PTK2: variants seen among roughly 807,000 people sequenced by gnomAD.
PTK2 encodes protein tyrosine kinase 2, also known as focal adhesion kinase 1.
A neutral mutation model predicts 150.1 loss-of-function variants in PTK2; 45 were observed. The observed-to-expected ratio is 0.30, with a 90% CI of 0.24 to 0.38. PTK2 has a LOEUF of 0.38. PTK2 is among the 10% of genes least tolerant of loss of function. The probability of loss-of-function intolerance (pLI) is 1.00; values close to 1 mark genes in which losing one functional copy is unlikely to be tolerated. For missense variants in PTK2, 919 were observed against 1,307.3 expected, an observed-to-expected ratio of 0.70 and a Z score of 4.58; for synonymous variants, 432 against 449.2, an observed-to-expected ratio of 0.96 and a Z score of 0.48.
chr8:140,833,274 T>C (rs1338334094), intron 7 of PTK2, among the ~76,000 whole-genome samples: 2 of 152,158 alleles, frequency 1.3e-5, no homozygotes. Flanking sequence ...CGTTTGTCCA[T>C]ATGTTAGAAC....
intron 4 of PTK2, among the ~76,000 whole-genome samples, chr8:140,876,982 C>T (rs1386995113): frequency 6.9e-6 from 1 of 144,942 alleles, no homozygotes; most frequent in Non-Finnish European, 1.5e-5. Context: ...ACATTTTCTT[C>T]TGTCATCATC....
intron 1 of PTK2, among the ~76,000 whole-genome samples, chr8:140,970,713 C>G (rs146882919): frequency 1.3e-5 from 2 of 152,344 alleles, no homozygotes; most frequent in African/African-American, 4.8e-5. Context: ...TGCCTATCCT[C>G]AACATTGCAG....
At chr8:140,712,837 G>A (rs754773169) in intron 23 of PTK2, among the ~76,000 whole-genome samples, 4 of 152,280 alleles carry the variant, frequency 2.6e-5, no homozygotes, top group South Asian at 2.1e-4. Flanking sequence ...TTGAAAACTC[G>A]AATTTTATAC....
intron 17 of PTK2, among the ~76,000 whole-genome samples, chr8:140,748,692 C>T (rs1045701204): frequency 2.0e-5 from 3 of 152,044 alleles, no homozygotes; most frequent in African/African-American, 7.2e-5. Context: ...ACCAAGAGGG[C>T]ACTGCATATA....
At chr8:140,814,805 C>T (rs1164165181) in intron 10 of PTK2, among the ~76,000 whole-genome samples, 7 of 149,424 alleles carry the variant, frequency 4.7e-5, no homozygotes, top group East Asian at 2.0e-4. Context: ...GACGGAGTCT[C>T]GCTCTGTTGC....
At chr8:140,890,432 A>G (rs1600905498) in intron 3 of PTK2, 111 bp downstream of exon 3, 1 of 865,774 alleles carries the variant, frequency 1.2e-6, no homozygotes, top group East Asian at 2.7e-5. Flanking sequence ...CTGTAATATG[A>G]AAAGTCCCCG....
At chr8:140,887,654 T>C (rs1259539123) in intron 3 of PTK2, among the ~76,000 whole-genome samples, 1 of 152,126 alleles carries the variant, frequency 6.6e-6, no homozygotes, top group African/African-American at 2.4e-5. Flanking sequence ...AGAAATATAA[T>C]GCAAGCCACA....
intron 7 of PTK2, among the ~76,000 whole-genome samples, chr8:140,834,980 T>G (rs2100117831): frequency 6.6e-6 from 1 of 152,174 alleles, no homozygotes; most frequent in Non-Finnish European, 1.5e-5. Flanking sequence ...ACTATGCACC[T>G]CCTCATATTC....
intron 11 of PTK2, among the ~76,000 whole-genome samples, chr8:140,801,099 A>T (rs893238942): frequency 6.6e-6 from 1 of 152,234 alleles, no homozygotes; most frequent in Non-Finnish European, 1.5e-5. Context: ...ATATTTGCTT[A>T]ATCTCCAGAA....
chr8:140,906,814 C>A (rs539201364), intron 2 of PTK2, among the ~76,000 whole-genome samples: 1 of 152,192 alleles, frequency 6.6e-6, no homozygotes, highest in African/African-American at 2.4e-5. Flanking sequence ...GTTCCCAACA[C>A]AAAGGAAAGA....
intron 23 of PTK2, among the ~76,000 whole-genome samples, chr8:140,710,855 G>A (rs991485692): frequency 6.6e-6 from 1 of 152,196 alleles, no homozygotes; most frequent in African/African-American, 2.4e-5. Flanking sequence ...CACACAATTG[G>A]CATTAAGGTA....
At chr8:140,993,494 G>A (rs138774277) in intron 1 of PTK2, among the ~76,000 whole-genome samples, 1 of 152,222 alleles carries the variant, frequency 6.6e-6, no homozygotes, top group Non-Finnish European at 1.5e-5. Flanking sequence ...TTATGCCCTC[G>A]TGGAGCTTAC....
chr8:140,928,437 T>C (rs757510088), intron 1 of PTK2, among the ~76,000 whole-genome samples: 1 of 152,114 alleles, frequency 6.6e-6, no homozygotes, highest in Non-Finnish European at 1.5e-5. Context: ...CCATAAAGAT[T>C]CAATAATCCC....
chr8:141,001,841 G>C (rs1472201751), upstream of PTK2, among the ~76,000 whole-genome samples: 2 of 152,242 alleles, frequency 1.3e-5, no homozygotes, highest in African/African-American at 4.8e-5. Context: ...CAAGGAAACT[G>C]AGGCTCAGAG....
intron 5 of PTK2, 127 bp from the exon 6 acceptor site, chr8:140,846,805 TAA>T (rs375899144): frequency 5.3e-5 from 33 of 617,004 alleles, no homozygotes; most frequent in African/African-American, 5.2e-4. Flanking sequence ...CGCTTGATGT[TAA>T]AGATATAAAT....
intron 2 of PTK2, among the ~76,000 whole-genome samples, chr8:140,897,668 C>T (rs1232249274): frequency 1.3e-5 from 2 of 152,192 alleles, no homozygotes; most frequent in African/African-American, 2.4e-5. Flanking sequence ...TATAGAATGA[C>T]AAGTCCCAAG....
chr8:140,860,758 G>A (rs1234551191), intron 5 of PTK2, among the ~76,000 whole-genome samples: 3 of 152,166 alleles, frequency 2.0e-5, no homozygotes. Flanking sequence ...ACAGGCGTTA[G>A]CCACCGCACC....
chr8:140,953,565 G>A (rs533068002), intron 1 of PTK2, among the ~76,000 whole-genome samples: 2 of 152,326 alleles, frequency 1.3e-5, no homozygotes, highest in Admixed American at 1.3e-4. Context: ...CAGGGTGCAT[G>A]AGATTTCATC....
intron 1 of PTK2, among the ~76,000 whole-genome samples, chr8:140,948,077 C>T (rs1470750465): frequency 2.0e-5 from 3 of 152,000 alleles, no homozygotes; most frequent in Admixed American, 6.6e-5. Context: ...AATCTAACTC[C>T]GAAAAGTAGC....
Sources: gnomAD v4.1 joint callset for allele counts (sites outside exome capture counted in the v4.1 genomes callset) on GRCh38, gnomAD v4.1.1 for gene constraint, MANE v1.5 for transcripts, NCBI Gene and HGNC (gene_info 2026-07-23, HGNC 2026-07-21) for gene names.